CACNA2D3: variants seen among roughly 807,000 people sequenced by gnomAD.
CACNA2D3 encodes the protein calcium voltage-gated channel auxiliary subunit alpha2delta 3.
CACNA2D3 carries 60 observed loss-of-function variants against 160.6 expected under a neutral mutation model. That is an observed-to-expected ratio of 0.37 (90% CI 0.30 to 0.46). The LOEUF (loss-of-function observed/expected upper bound fraction) is 0.46, where lower values mean the gene tolerates loss of function less well. Ranked by LOEUF, CACNA2D3 falls within the 20% of genes least tolerant of loss-of-function variation. The pLI, the probability that CACNA2D3 is intolerant of heterozygous loss-of-function variation, is 1.00. For synonymous variants in CACNA2D3, 558 were observed against 492.9 expected (o/e 1.13, Z -1.75); for missense variants, 1,205 against 1,365.0 (o/e 0.88, Z 1.85).
intron 2 of CACNA2D3, among the ~76,000 whole-genome samples, chr3:54,193,138 G>A (rs992042762): frequency 6.6e-6 from 1 of 152,178 alleles, no homozygotes; most frequent in Non-Finnish European, 1.5e-5. Context: ...TACAGGTGAA[G>A]GCATGAAGCT....
chr3:54,767,478 G>T (rs1184055746), intron 13 of CACNA2D3, among the ~76,000 whole-genome samples: 3 of 152,058 alleles, frequency 2.0e-5, no homozygotes, highest in East Asian at 1.9e-4. Context: ...GAAGACAGGG[G>T]ATCTGCCTAT....
At chr3:54,293,828 G>A (rs1703268503) in intron 2 of CACNA2D3, among the ~76,000 whole-genome samples, 1 of 152,110 alleles carries the variant, frequency 6.6e-6, no homozygotes, top group Non-Finnish European at 1.5e-5. Flanking sequence ...CTCCTTGAGG[G>A]AATTTTCTGG....
At chr3:54,883,371 G>A (rs940037812) in intron 21 of CACNA2D3, among the ~76,000 whole-genome samples, 1 of 152,136 alleles carries the variant, frequency 6.6e-6, no homozygotes, top group Non-Finnish European at 1.5e-5. Flanking sequence ...CAACAAATTA[G>A]AGCTTATGTC....
chr3:54,569,370 C>A (rs775074612), intron 6 of CACNA2D3, among the ~76,000 whole-genome samples: 3 of 152,150 alleles, frequency 2.0e-5, no homozygotes, highest in Non-Finnish European at 2.9e-5. Context: ...TGCTTTCAAC[C>A]CCCCTCCTGT....
intron 4 of CACNA2D3, among the ~76,000 whole-genome samples, chr3:54,429,532 G>C (rs953407497): frequency 6.6e-6 from 1 of 152,168 alleles, no homozygotes; most frequent in African/African-American, 2.4e-5. Context: ...GGTATTTGTA[G>C]TACCCTCTTT....
At position 54,469,599 on chromosome 3, in the gene CACNA2D3, A is replaced by C. The variant is rs148169211; in HGVS notation, c.382-33893A>C. Among the ~76,000 whole-genome samples, 1,138 of 152,264 alleles carry C rather than the reference A, an allele frequency of 7.5e-3. 14 individuals are homozygous for C. Among genetic ancestry groups the C allele is most frequent in the African/African-American group, 0.025 (1,035 of 41,564 alleles). On this transcript the variant is annotated intron_variant, in intron 4 of 37. Transcript: ENST00000474759. ...ATGAGTTTGATGAACTGACAGAAGT[A>C]GGCTTCAGAAGGTGGGTAATGACAA... is the stretch of plus-strand genomic sequence containing the variant.
chr3:55,045,938 T>C (rs1444890827), intron 35 of CACNA2D3, among the ~76,000 whole-genome samples: 1 of 152,048 alleles, frequency 6.6e-6, no homozygotes, highest in African/African-American at 2.4e-5. Flanking sequence ...CTTTGAATTT[T>C]ACTCTTCTTT....
intron 11 of CACNA2D3, among the ~76,000 whole-genome samples, chr3:54,652,420 A>T (rs1699787863): frequency 6.6e-6 from 1 of 152,198 alleles, no homozygotes; most frequent in South Asian, 2.1e-4. Context: ...AAAAGACCAA[A>T]TCATTTAATC....
intron 11 of CACNA2D3, among the ~76,000 whole-genome samples, chr3:54,663,241 G>T (rs1156351575): frequency 1.3e-5 from 2 of 152,302 alleles, no homozygotes; most frequent in Non-Finnish European, 2.9e-5. Context: ...GAACTGACTA[G>T]CCTCTCTCTA....
At position 54,123,519 on chromosome 3, in the gene CACNA2D3, G is replaced by A. The variant is rs1411684589; in HGVS notation, c.129G>A (p.Lys43=). The A allele has an allele frequency of 6.2e-7, 1 of 1,613,648 alleles. No homozygotes were observed. Among genetic ancestry groups the A allele is most frequent in the East Asian group, 2.2e-5 (1 of 44,872 alleles). The change falls in exon 2 of 38, where the codon AAG becomes AAA. Residue 43 remains lysine, a synonymous_variant. Transcript: ENST00000474759. The stretch of plus-strand genomic sequence containing the variant: ...GTGCCCCTTCTCCCTGTAGGGTGAA[G>A]CTCTGGGCCTCGGCTTTTGGTGGGG... ...SEQQIPLSVV[K]LWASAFGGEI...
intron 35 of CACNA2D3, among the ~76,000 whole-genome samples, chr3:55,040,988 T>G (rs1326653222): frequency 3.9e-5 from 6 of 152,212 alleles, no homozygotes; most frequent in African/African-American, 1.4e-4. Context: ...TTGAAATGTA[T>G]TCATTTTTTT....
chr3:54,710,633 G>C (rs1023797273), intron 11 of CACNA2D3, among the ~76,000 whole-genome samples: 9 of 152,156 alleles, frequency 5.9e-5, no homozygotes, highest in Non-Finnish European at 1.2e-4. Context: ...GTCCTCCTGA[G>C]TACATAAGAA....
intron 35 of CACNA2D3, among the ~76,000 whole-genome samples, chr3:55,054,942 A>G (rs753411719): frequency 6.6e-6 from 1 of 152,070 alleles, no homozygotes; most frequent in East Asian, 1.9e-4. Context: ...TAGCCCTGGA[A>G]TATGATATTT....
At chr3:54,486,650 A>G (rs1238223565) in intron 4 of CACNA2D3, among the ~76,000 whole-genome samples, 2 of 152,158 alleles carry the variant, frequency 1.3e-5, no homozygotes, top group African/African-American at 4.8e-5. Flanking sequence ...GTGTGGGGCA[A>G]GATGACCACT....
chr3:54,283,338 G>A (rs1432167017), intron 2 of CACNA2D3, among the ~76,000 whole-genome samples: 1 of 152,176 alleles, frequency 6.6e-6, no homozygotes, highest in Non-Finnish European at 1.5e-5. Context: ...GGAAGAGATA[G>A]ACTTTAAGGG....
intron 9 of CACNA2D3, among the ~76,000 whole-genome samples, chr3:54,625,955 T>A (rs1401269629): frequency 1.3e-5 from 2 of 152,164 alleles, no homozygotes; most frequent in Non-Finnish European, 2.9e-5. Context: ...ATGGCATGCC[T>A]GGGGCGTTGT....
intron 4 of CACNA2D3, among the ~76,000 whole-genome samples, chr3:54,407,766 C>A (rs1376394716): frequency 1.3e-5 from 2 of 152,128 alleles, no homozygotes; most frequent in Non-Finnish European, 2.9e-5. Context: ...GGGCAGTGGG[C>A]AGAACCTTAG....
At chr3:54,126,890 C>A (rs1339757013) in intron 2 of CACNA2D3, among the ~76,000 whole-genome samples, 1 of 152,178 alleles carries the variant, frequency 6.6e-6, no homozygotes, top group African/African-American at 2.4e-5. Flanking sequence ...TATCTTGCTT[C>A]ATTTTCCCCG....
chr3:54,922,541 A>G (rs1398512235), intron 27 of CACNA2D3, among the ~76,000 whole-genome samples: 1 of 152,034 alleles, frequency 6.6e-6, no homozygotes, highest in African/African-American at 2.4e-5. Flanking sequence ...TTGATTATGT[A>G]ATTTACTATT....
Sources: gnomAD v4.1 joint callset for allele counts (sites outside exome capture counted in the v4.1 genomes callset) on GRCh38, gnomAD v4.1.1 for gene constraint, MANE v1.5 for transcripts, NCBI Gene and HGNC (gene_info 2026-07-23, HGNC 2026-07-21) for gene names.